The following CBLB variants were observed in gnomAD, a reference collection of about 807,000 sequenced individuals.
CBLB encodes the protein Cbl proto-oncogene B, also known as E3 ubiquitin-protein ligase CBL-B.
A neutral mutation model predicts 104.9 loss-of-function variants in CBLB; 31 were observed. The observed-to-expected ratio is 0.30, with a 90% confidence interval of 0.22 to 0.40. The LOEUF is 0.40. Among genes scored for constraint, CBLB ranks in the 10% least tolerant of loss-of-function variants. The probability of loss-of-function intolerance (pLI) is 1.00; values close to 1 mark genes in which losing one functional copy is unlikely to be tolerated. For synonymous variants in CBLB, 440 were observed against 422.6 expected, an observed-to-expected ratio of 1.04 and a Z score of -0.51; for missense variants, 1,062 against 1,214.6, an observed-to-expected ratio of 0.87 and a Z score of 1.87.
chr3:105,725,114 T>C (rs1234858569), intron 9 of CBLB, among the ~76,000 whole-genome samples: 1 of 152,154 alleles, frequency 6.6e-6, no homozygotes, highest in Admixed American at 6.5e-5. Context: ...AAATTGCAAA[T>C]ATCAAAATTA....
chr3:105,812,608 T>C (rs576231757), intron 3 of CBLB, among the ~76,000 whole-genome samples: 1 of 152,204 alleles, frequency 6.6e-6, no homozygotes, highest in South Asian at 2.1e-4. Context: ...GCAGAGCAAT[T>C]GCAAAGGGAC....
At chr3:105,720,340 A>AC (rs1254328212) in intron 9 of CBLB, 90 bp from the exon 10 acceptor site, 2 of 1,287,284 alleles carry the variant, frequency 1.6e-6, no homozygotes, top group Admixed American at 4.0e-5. Flanking sequence ...TAAAAGTCAC[A>AC]CCCCCAAAAA....
chr3:105,867,610 A>G lies in CBLB; in HGVS notation c.-14-19T>C. On this transcript the variant is annotated intron_variant, in intron 1 of 18. Transcript: ENST00000394030. ...TTTAGTTCTTTAAAAGGCAGATTTA[A>G]AAAAAGAAAAGTTAGTTGGTTTTGA... 1 of 1,611,488 alleles carries G rather than the reference A, an allele frequency of 6.2e-7. No individual in the cohort carries two copies. The highest frequency in any genetic ancestry group is 1.3e-5 in the African/African-American group (1 of 75,000).
chr3:105,797,499 T>G (rs556399013), intron 3 of CBLB, among the ~76,000 whole-genome samples: 2 of 152,130 alleles, frequency 1.3e-5, no homozygotes, highest in Non-Finnish European at 2.9e-5. Context: ...GGAACTATGC[T>G]TATTACCTGG....
intron 3 of CBLB, among the ~76,000 whole-genome samples, chr3:105,791,131 GA>G (rs1419898790): frequency 6.6e-6 from 1 of 152,178 alleles, no homozygotes; most frequent in Non-Finnish European, 1.5e-5. Context: ...GATAACAAAT[GA>G]GCTAGGAGCG....
At chr3:105,729,173 G>A (rs1286836282) in intron 9 of CBLB, among the ~76,000 whole-genome samples, 2 of 152,056 alleles carry the variant, frequency 1.3e-5, no homozygotes, top group Admixed American at 6.6e-5. Context: ...AAGAAAAAAT[G>A]TCTAGCAGCC....
At chr3:105,798,798 G>C (rs1346401033) in intron 3 of CBLB, among the ~76,000 whole-genome samples, 3 of 152,090 alleles carry the variant, frequency 2.0e-5, no homozygotes, top group African/African-American at 7.2e-5. Flanking sequence ...TTTTCTGCAA[G>C]ATTTTCAATG....
At chr3:105,729,032 C>T (rs756779082) in intron 9 of CBLB, among the ~76,000 whole-genome samples, 2 of 152,098 alleles carry the variant, frequency 1.3e-5, no homozygotes, top group African/African-American at 2.4e-5. Context: ...CACTGCTGAG[C>T]AGAGTATGAT....
intron 5 of CBLB, among the ~76,000 whole-genome samples, chr3:105,746,866 G>A (rs1484527871): frequency 6.6e-6 from 1 of 152,214 alleles, no homozygotes; most frequent in Non-Finnish European, 1.5e-5. Context: ...TCAGATAATA[G>A]TAATCAGCCA....
At chr3:105,697,580 G>T (rs2068545356) in intron 12 of CBLB, among the ~76,000 whole-genome samples, 12 of 151,884 alleles carry the variant, frequency 7.9e-5, no homozygotes, top group Admixed American at 7.9e-4. Context: ...ACACACACAG[G>T]ACTGATTTTC....
At chr3:105,669,136 G>GCACTATGTTGGA in intron 18 of CBLB, among the ~76,000 whole-genome samples, 1 of 151,682 alleles carries the variant, frequency 6.6e-6, no homozygotes, top group Non-Finnish European at 1.5e-5. Context: ...CATATGCTGG[G>GCACTATGTTGGA]CACTATGTTG....
intron 9 of CBLB, among the ~76,000 whole-genome samples, chr3:105,721,233 T>C (rs2072773456): frequency 6.6e-6 from 1 of 152,194 alleles, no homozygotes; most frequent in African/African-American, 2.4e-5. Context: ...AGACAAGGGA[T>C]GCAGAGAGCT....
At chr3:105,780,904 C>T (rs2080183800) in intron 3 of CBLB, among the ~76,000 whole-genome samples, 1 of 152,000 alleles carries the variant, frequency 6.6e-6, no homozygotes, top group South Asian at 2.1e-4. Context: ...TCATGATCTG[C>T]CCGCCTCGGC....
intron 3 of CBLB, among the ~76,000 whole-genome samples, chr3:105,847,417 CA>C (rs2090395816): frequency 6.6e-6 from 1 of 151,384 alleles, no homozygotes; most frequent in African/African-American, 2.4e-5. Context: ...CACACACACA[CA>C]CACACACACA....
intron 7 of CBLB, among the ~76,000 whole-genome samples, chr3:105,738,151 TAAATA>T (rs1389730649): frequency 6.6e-6 from 1 of 152,164 alleles, no homozygotes; most frequent in Non-Finnish European, 1.5e-5. Context: ...CTAAATTTCT[TAAATA>T]AAACAATAAG....
chr3:105,847,616 T>TTC lies in CBLB; in HGVS notation c.419+5797_419+5798insGA, dbSNP rs202097530. Among the ~76,000 whole-genome samples the TTC allele has an allele frequency of 6.8e-3, 1,029 of 150,664 alleles. 31 individuals are homozygous for TTC. Among genetic ancestry groups the TTC allele is most frequent in the East Asian group, 0.055 (283 of 5,124 alleles). On this transcript the variant is annotated intron_variant, in intron 3 of 18. Transcript: ENST00000394030. ...CTATTTTTTCCACCTCAGTTGACTTTTTTTCCAGTGGTTGTCTAGCAGTGT... is the reference window on the plus strand; with the variant it reads ...CTATTTTTTCCACCTCAGTTGACTTTTCTTTTCCAGTGGTTGTCTAGCAGTGT...
rs2092367967 is a variant in CBLB, at chr3:105,865,377, T to C, written c.168+2033A>G. ...TCACAAATGAACACAACCATTTTCA[T>C]CTTTGACAAATAATGAAGACAAACA... On this transcript the variant is annotated intron_variant, in intron 2 of 18. Transcript: ENST00000394030. Among the ~76,000 whole-genome samples, 3 of 152,142 alleles carry C rather than the reference T, an allele frequency of 2.0e-5. No homozygotes were observed. In the South Asian group the frequency reaches 6.2e-4, roughly 32 times the overall value.
chr3:105,728,186 G>C (rs997555985), intron 9 of CBLB, among the ~76,000 whole-genome samples: 3 of 151,990 alleles, frequency 2.0e-5, no homozygotes, highest in African/African-American at 7.2e-5. Context: ...TCTGTTTGCA[G>C]ATGACATGAA....
intron 3 of CBLB, among the ~76,000 whole-genome samples, chr3:105,851,988 G>A (rs2091001705): frequency 6.6e-6 from 1 of 152,086 alleles, no homozygotes; most frequent in South Asian, 2.1e-4. Flanking sequence ...TCACATAAAA[G>A]CATAGCACAT....
Sources: allele counts gnomAD v4.1 joint callset (sites outside exome capture counted in the v4.1 genomes callset), GRCh38; gene constraint gnomAD v4.1.1; transcripts MANE v1.5; gene names NCBI Gene and HGNC (gene_info 2026-07-23, HGNC 2026-07-21).